Variants in LMBR1 observed in about 807,000 individuals in gnomAD.
The protein encoded by LMBR1 is limb region 1 protein homolog.
In LMBR1, 52 loss-of-function variants were observed where a neutral mutation model predicts 73.9. That is an observed-to-expected ratio of 0.70 (90% CI 0.56 to 0.89). The LOEUF is 0.89. Among genes scored for constraint, LMBR1 ranks in the 40% least tolerant of loss-of-function variants. LMBR1 has a pLI of 0.00. For synonymous variants in LMBR1, 215 were observed against 209.4 expected, an observed-to-expected ratio of 1.03 and a Z score of -0.23; for missense variants, 539 against 579.8, an observed-to-expected ratio of 0.93 and a Z score of 0.72.
At chr7:156,856,451 G>A (rs1285342386) in intron 1 of LMBR1, among the ~76,000 whole-genome samples, 1 of 151,986 alleles carries the variant, frequency 6.6e-6, no homozygotes, top group Non-Finnish European at 1.5e-5. Context: ...AACGGTGGCT[G>A]GGCTCATGGC....
At chr7:156,834,277 T>C (rs1837215431) in intron 2 of LMBR1, among the ~76,000 whole-genome samples, 1 of 152,206 alleles carries the variant, frequency 6.6e-6, no homozygotes, top group Non-Finnish European at 1.5e-5. Flanking sequence ...ACTTGGATAC[T>C]ACTGCCTCAG....
At chr7:156,719,127 C>T (rs1211178422) in intron 15 of LMBR1, among the ~76,000 whole-genome samples, 2 of 135,796 alleles carry the variant, frequency 1.5e-5, no homozygotes, top group Non-Finnish European at 3.2e-5. Flanking sequence ...ATGCTATCCC[C>T]CCCCTCCCCC....
At chr7:156,888,978 A>G (rs569113507) in intron 1 of LMBR1, among the ~76,000 whole-genome samples, 1 of 151,966 alleles carries the variant, frequency 6.6e-6, no homozygotes, top group African/African-American at 2.4e-5. Flanking sequence ...TGCTTGAACC[A>G]GGGAGGGAGA....
intron 15 of LMBR1, among the ~76,000 whole-genome samples, chr7:156,717,696 G>C (rs1024888363): frequency 1.3e-5 from 2 of 152,186 alleles, no homozygotes; most frequent in Non-Finnish European, 2.9e-5. Flanking sequence ...ACTGAGATCT[G>C]ATAAAGGAAA....
intron 15 of LMBR1, among the ~76,000 whole-genome samples, chr7:156,719,079 C>G (rs1361314887): frequency 7.9e-5 from 12 of 151,518 alleles, no homozygotes; most frequent in Non-Finnish European, 1.3e-4. Flanking sequence ...GTGTGCTGCA[C>G]CCATTAACTC....
chr7:156,750,525 T>C (rs1271574030), intron 9 of LMBR1, among the ~76,000 whole-genome samples: 1 of 152,164 alleles, frequency 6.6e-6, no homozygotes, highest in East Asian at 1.9e-4. Context: ...CTCTCAACGT[T>C]GGTGTGTCCT....
intron 2 of LMBR1, among the ~76,000 whole-genome samples, chr7:156,835,101 C>T (rs1837382583): frequency 6.6e-6 from 1 of 152,112 alleles, no homozygotes; most frequent in Non-Finnish European, 1.5e-5. Context: ...GATCACGCCA[C>T]TGCACTCCAG....
chr7:156,841,392 G>T (rs1297172554), intron 1 of LMBR1, among the ~76,000 whole-genome samples: 2 of 152,144 alleles, frequency 1.3e-5, no homozygotes, highest in Non-Finnish European at 2.9e-5. Flanking sequence ...ATCTGCAGAT[G>T]ATATTTAAAG....
intron 1 of LMBR1, among the ~76,000 whole-genome samples, chr7:156,865,473 G>C (rs1039917199): frequency 6.6e-6 from 1 of 152,128 alleles, no homozygotes; most frequent in Non-Finnish European, 1.5e-5. Flanking sequence ...TCATGGATTG[G>C]AGAATTTAAT....
chr7:156,712,911 G>A (rs1490111105), intron 15 of LMBR1, among the ~76,000 whole-genome samples: 3 of 152,104 alleles, frequency 2.0e-5, no homozygotes, highest in Non-Finnish European at 1.5e-5. Flanking sequence ...TGGGCATAGT[G>A]TACATTATTC....
intron 15 of LMBR1, among the ~76,000 whole-genome samples, chr7:156,692,101 G>A (rs897711264): frequency 3.3e-5 from 5 of 152,040 alleles, no homozygotes; most frequent in African/African-American, 1.2e-4. Flanking sequence ...TTGAGATGGA[G>A]TTTTGCACTT....
intron 1 of LMBR1, among the ~76,000 whole-genome samples, chr7:156,854,168 A>C (rs1300806451): frequency 6.6e-6 from 1 of 152,210 alleles, no homozygotes; most frequent in Non-Finnish European, 1.5e-5. Context: ...AACTCTTCTT[A>C]AATCCATAAA....
At chr7:156,783,082 A>G (rs73166142) in intron 5 of LMBR1, among the ~76,000 whole-genome samples, 5,961 of 152,266 alleles carry the variant, frequency 0.039, 174 homozygotes, top group Non-Finnish European at 0.049. Context: ...GTCACATTCT[A>G]TAAGAAAACT....
intron 2 of LMBR1, among the ~76,000 whole-genome samples, chr7:156,835,781 A>T (rs545785899): frequency 1.3e-5 from 2 of 152,080 alleles, no homozygotes; most frequent in East Asian, 3.9e-4. Context: ...CACACTACCA[A>T]CTAGGTCCAG....
intron 15 of LMBR1, among the ~76,000 whole-genome samples, chr7:156,699,223 T>C (rs1019081349): frequency 2.6e-5 from 4 of 152,220 alleles, no homozygotes; most frequent in East Asian, 1.9e-4. Context: ...ATCAATGGAA[T>C]AGAACAGAGC....
At chr7:156,826,571 T>C (rs1835731572) in intron 4 of LMBR1, 34 bp downstream of exon 4, 3 of 1,278,638 alleles carry the variant, frequency 2.3e-6, no homozygotes, top group Non-Finnish European at 3.1e-6. Context: ...AATTAAAATA[T>C]TAATTGTGAT....
At chr7:156,792,403 G>A (rs1440865196) in intron 5 of LMBR1, among the ~76,000 whole-genome samples, 1 of 152,158 alleles carries the variant, frequency 6.6e-6, no homozygotes, top group East Asian at 1.9e-4. Context: ...ATAGGTGACA[G>A]CAAAATAATC....
rs117043308 is a variant in LMBR1 at position 156,762,468 on chromosome 7, A to T, written c.620-270T>A. Among the ~76,000 whole-genome samples, 258 of 152,364 alleles carry T rather than the reference A, an allele frequency of 1.7e-3. 1 individual carries two copies. The highest frequency in any genetic ancestry group is 1.8e-3 in the Non-Finnish European group (120 of 68,040). On this transcript the variant is annotated intron_variant, in intron 7 of 16. Coordinates refer to ENST00000353442, the MANE Select transcript of LMBR1 (RefSeq NM_022458.4). ...GGCTTAGAATAATATTCAAGATTCT[A>T]GCAGTTGAATAATAATAAATACTTT...
intron 2 of LMBR1, chr7:156,834,372 G>A (rs1837229856): frequency 6.4e-6 from 1 of 156,238 alleles, no homozygotes; most frequent in African/African-American, 2.4e-5. Flanking sequence ...AAGCTGAGGT[G>A]GGCAGATCTC....
Sources: allele counts gnomAD v4.1 joint callset (sites outside exome capture counted in the v4.1 genomes callset), GRCh38; gene constraint gnomAD v4.1.1; transcripts MANE v1.5; gene names NCBI Gene and HGNC (gene_info 2026-07-23, HGNC 2026-07-21).